The following NELL2 variants were observed in gnomAD, a reference collection of about 807,000 sequenced individuals.
NELL2 encodes the protein protein kinase C-binding protein NELL2.
In NELL2, 41 loss-of-function variants were observed where a neutral mutation model predicts 109.6. The observed-to-expected ratio is 0.37, with a 90% CI of 0.29 to 0.49. The LOEUF is 0.49. Ranked by LOEUF, NELL2 falls within the 20% of genes least tolerant of loss-of-function variation. The pLI is 0.98. For missense variants in NELL2, 900 were observed against 1,008.3 expected, an observed-to-expected ratio of 0.89 and a Z score of 1.45; for synonymous variants, 355 against 344.7, an observed-to-expected ratio of 1.03 and a Z score of -0.33.
intron 1 of NELL2, among the ~76,000 whole-genome samples, chr12:44,884,408 C>T (rs1156871640): frequency 2.0e-5 from 3 of 151,936 alleles, no homozygotes; most frequent in Non-Finnish European, 4.4e-5. Context: ...ATCTACATTC[C>T]TCTTTCATAA....
chr12:44,914,854 T>A (rs74806996), upstream of NELL2, among the ~76,000 whole-genome samples: 6 of 95,898 alleles, frequency 6.3e-5, no homozygotes, highest in African/African-American at 2.2e-4. Context: ...AAAAAAGAAA[T>A]TTTTTTTTTT....
At chr12:44,782,891 A>G (rs1234775331) in intron 3 of NELL2, among the ~76,000 whole-genome samples, 4 of 152,058 alleles carry the variant, frequency 2.6e-5, no homozygotes, top group African/African-American at 7.2e-5. Flanking sequence ...AACCAACAGG[A>G]TCCACTCAAC....
chr12:44,578,870 A>C (rs1592148377), intron 15 of NELL2, among the ~76,000 whole-genome samples: 1 of 152,184 alleles, frequency 6.6e-6, no homozygotes, highest in Non-Finnish European at 1.5e-5. Context: ...CTGTTTTGCA[A>C]AGAAACAGAA....
chr12:44,759,478 T>A (rs945681772), intron 9 of NELL2, among the ~76,000 whole-genome samples: 5 of 152,170 alleles, frequency 3.3e-5, no homozygotes, highest in African/African-American at 1.2e-4. Context: ...GATGCTCTAG[T>A]CATCTCAGCA....
At position 44,644,594 on chromosome 12, in the gene NELL2, ATATATATATGTATG is replaced by A. The variant is rs1302998089; in HGVS notation, c.1444+20876_1444+20889del. 6.5e-5 allele frequency among the ~76,000 whole-genome samples: 6 copies of A among 92,486 alleles called. 1 individual carries two copies. The highest frequency in any genetic ancestry group is 2.2e-4 in the Admixed American group (2 of 9,106). The allele number at this position is 92,486 out of a possible 152,430, so 60.7% of individuals were successfully genotyped here. On this transcript the variant is annotated intron_variant, in intron 13 of 19. Coordinates refer to ENST00000429094, the MANE Select transcript of NELL2 (RefSeq NM_001145108.2). ...GACAAAGTAAAGTATATATATATAT[ATATATATATGTATG>A]TATATATATATATATATACATACAT...
At chr12:44,644,200 A>C (rs1175166789) in intron 13 of NELL2, among the ~76,000 whole-genome samples, 1 of 152,136 alleles carries the variant, frequency 6.6e-6, no homozygotes, top group Non-Finnish European at 1.5e-5. Context: ...ATGTAGCAGC[A>C]GAAGAAAAAA....
chr12:44,745,107 A>G (rs189315259), intron 9 of NELL2, among the ~76,000 whole-genome samples: 1 of 152,168 alleles, frequency 6.6e-6, no homozygotes, highest in African/African-American at 2.4e-5. Context: ...TATCCACCAT[A>G]ATCGAGTGGG....
At chr12:44,882,227 A>G (rs11182732) in intron 1 of NELL2, among the ~76,000 whole-genome samples, 3,130 of 151,926 alleles carry the variant, frequency 0.021, 113 homozygotes, top group East Asian at 0.18. Flanking sequence ...AAAATATACT[A>G]TTCTTGAGTA....
intron 9 of NELL2, among the ~76,000 whole-genome samples, chr12:44,747,382 T>C (rs1330370738): frequency 6.6e-6 from 1 of 151,990 alleles, no homozygotes; most frequent in Non-Finnish European, 1.5e-5. Flanking sequence ...CACACCAACA[T>C]GGCACATGTA....
At chr12:44,658,039 C>G (rs1457876034) in intron 13 of NELL2, among the ~76,000 whole-genome samples, 1 of 152,146 alleles carries the variant, frequency 6.6e-6, no homozygotes, top group Non-Finnish European at 1.5e-5. Context: ...GTTCTAGATC[C>G]TTGAGGAATC....
At chr12:44,540,793 A>AAAAAAAAAAAAAAAAAAAAAAC (rs1225116240) in intron 15 of NELL2, among the ~76,000 whole-genome samples, 2 of 149,910 alleles carry the variant, frequency 1.3e-5, no homozygotes, top group African/African-American at 2.4e-5. Context: ...AAAAAAAAAA[A>AAAAAAAAAAAAAAAAAAAAAAC]AAAAAGCCCA....
At chr12:44,587,284 A>AAAAAAAATATATATATATAT in intron 15 of NELL2, among the ~76,000 whole-genome samples, 13 of 72,188 alleles carry the variant, frequency 1.8e-4, no homozygotes, top group Non-Finnish European at 3.5e-4. Context: ...AAAAAAAAAA[A>AAAAAAAATATATATATATAT]ATATATATAT....
intron 15 of NELL2, among the ~76,000 whole-genome samples, chr12:44,598,904 C>G (rs944382744): frequency 6.6e-6 from 1 of 151,780 alleles, no homozygotes; most frequent in Non-Finnish European, 1.5e-5. Context: ...CTCTCTCTCT[C>G]TCTCTCACGC....
chr12:44,906,540 G>C (rs1267361870), intron 1 of NELL2, among the ~76,000 whole-genome samples: 1 of 151,934 alleles, frequency 6.6e-6, no homozygotes, highest in Non-Finnish European at 1.5e-5. Context: ...GGTGAGAAGT[G>C]GTGAGATTCT....
At chr12:44,604,559 C>T (rs1945326345) in intron 15 of NELL2, among the ~76,000 whole-genome samples, 2 of 152,198 alleles carry the variant, frequency 1.3e-5, no homozygotes, top group South Asian at 4.1e-4. Context: ...TATGGAACAA[C>T]TACTAAGAGG....
At chr12:44,794,686 A>G (rs972891281) in intron 3 of NELL2, among the ~76,000 whole-genome samples, 2 of 152,218 alleles carry the variant, frequency 1.3e-5, no homozygotes, top group African/African-American at 4.8e-5. Flanking sequence ...TAACCAACAC[A>G]TTAAAATTAT....
intron 15 of NELL2, among the ~76,000 whole-genome samples, chr12:44,540,087 G>T (rs896620949): frequency 2.6e-5 from 4 of 152,266 alleles, no homozygotes; most frequent in African/African-American, 9.6e-5. Flanking sequence ...AAGAGAATGT[G>T]TTAATTTTAC....
intron 5 of NELL2, 22 bp from the exon 6 acceptor site, chr12:44,777,336 A>C: frequency 6.3e-7 from 1 of 1,598,524 alleles, no homozygotes; most frequent in South Asian, 1.1e-5. Context: ...AAATAGAAAA[A>C]AAAGACATAT....
chr12:44,875,543 C>T, intron 1 of NELL2, 190 bp from the exon 2 acceptor site: 1 of 1,614,014 alleles, frequency 6.2e-7, no homozygotes. Flanking sequence ...AGCGGAGCAC[C>T]CAGTCCCGTT....
Sources: gnomAD v4.1 joint callset for allele counts (sites outside exome capture counted in the v4.1 genomes callset) on GRCh38, gnomAD v4.1.1 for gene constraint, MANE v1.5 for transcripts, NCBI Gene and HGNC (gene_info 2026-07-23, HGNC 2026-07-21) for gene names.